HDDC2: variants seen among roughly 807,000 people sequenced by gnomAD.
HDDC2 encodes the protein HD domain containing 2, also known as 5'-deoxynucleotidase HDDC2.
In HDDC2, 25 loss-of-function variants were observed where a neutral mutation model predicts 25.5. The ratio of observed to expected loss-of-function variants is 0.98; its 90% CI spans 0.72 to 1.37. The LOEUF (loss-of-function observed/expected upper bound fraction) is 1.37, where lower values mean the gene tolerates loss of function less well. Ranked by LOEUF, HDDC2 falls within the 40% of genes most tolerant of loss-of-function variation. The pLI, the probability that HDDC2 is intolerant of heterozygous loss-of-function variation, is 0.00. For synonymous variants in HDDC2, 106 were observed against 89.7 expected, an observed-to-expected ratio of 1.18 and a Z score of -1.03; for missense variants, 264 against 253.1, an observed-to-expected ratio of 1.04 and a Z score of -0.29.
intron 4 of HDDC2, chr6:125,277,564 A>C (rs12527096): frequency 0.12 from 27,982 of 231,456 alleles, 2,221 homozygotes; most frequent in East Asian, 0.3. Flanking sequence ...ATTGTTCTTT[A>C]ATCTACCTAA....
rs553743591 is a variant in HDDC2, at chr6:125,299,652, C to T, written c.207-836G>A. 1.4e-4 allele frequency among the ~76,000 whole-genome samples: 21 copies of T among 152,312 alleles called. No individual in the cohort carries two copies. The East Asian group carries it at 3.9e-3, about 28-fold the overall frequency. On this transcript the variant is annotated intron_variant, in intron 2 of 5. Coordinates refer to ENST00000398153, the MANE Select transcript of HDDC2 (RefSeq NM_016063.3). ...GTCCAGTTCAAATCCCAGACTACTC[C>T]AAACTGCATCTCTATTGGACTTCAT... is the stretch of plus-strand genomic sequence containing the variant.
At chr6:125,298,283 C>T (rs139625775) in intron 3 of HDDC2, among the ~76,000 whole-genome samples, 75 of 152,238 alleles carry the variant, frequency 4.9e-4, no homozygotes, top group African/African-American at 1.6e-3. Flanking sequence ...TACCTAGCCT[C>T]GGGTATTTCT....
intron 3 of HDDC2, among the ~76,000 whole-genome samples, chr6:125,296,514 T>A (rs1798707892): frequency 6.6e-6 from 1 of 152,164 alleles, no homozygotes; most frequent in Non-Finnish European, 1.5e-5. Flanking sequence ...ATAAACACCA[T>A]CTGCATAAAG....
At chr6:125,298,423 T>C (rs7760639) in intron 3 of HDDC2, among the ~76,000 whole-genome samples, 29 of 152,234 alleles carry the variant, frequency 1.9e-4, no homozygotes, top group African/African-American at 6.8e-4. Context: ...TAACAGTTTA[T>C]TCTTCAAAAC....
Position 125,276,203 on chromosome 6 carries a change from T to A in HDDC2, c.558A>T (p.Glu186Asp). ...NHPEIVQLVS[E>D]LEAERSTNIA... is the part of the protein sequence containing the mutation. ...TGTTAGTGCTTCTTTCTGCCTCAAG[T>A]TCAGAAACAAGCTGGACTATCTCAG... The change falls in exon 6 of 6, where the codon GAA becomes GAT. Residue 186 changes from glutamate (E) to aspartate (D), a missense_variant. Transcript: ENST00000398153. 1 of 1,614,158 alleles carries A rather than the reference T, an allele frequency of 6.2e-7. No individual in the cohort carries two copies. The highest frequency in any genetic ancestry group is 8.5e-7 in the Non-Finnish European group (1 of 1,180,008).
At chr6:125,289,534 A>C (rs935494367) in intron 4 of HDDC2, among the ~76,000 whole-genome samples, 8 of 151,598 alleles carry the variant, frequency 5.3e-5, no homozygotes, top group Non-Finnish European at 7.4e-5. Context: ...CAAAAAAAAA[A>C]CATTTCCTTC....
intron 5 of HDDC2, 147 bp downstream of exon 5, chr6:125,276,955 G>A (rs1056583260): frequency 3.2e-5 from 24 of 751,460 alleles, no homozygotes; most frequent in African/African-American, 7.1e-5. Context: ...CCTCTTACCC[G>A]AATGTTTCCT....
At chr6:125,287,657 G>A (rs1375429702) in intron 4 of HDDC2, among the ~76,000 whole-genome samples, 1 of 152,298 alleles carries the variant, frequency 6.6e-6, no homozygotes, top group South Asian at 2.1e-4. Flanking sequence ...GGAGCAATCA[G>A]CACATGATCG....
intron 4 of HDDC2, among the ~76,000 whole-genome samples, chr6:125,280,705 C>T (rs932219633): frequency 1.3e-5 from 2 of 152,230 alleles, no homozygotes; most frequent in East Asian, 1.9e-4. Flanking sequence ...AAAGAAAGGC[C>T]GTGGCCCTAA....
rs565015399 is a variant in HDDC2, at chr6:125,275,891, T to C, written c.*255A>G. On this transcript the variant is annotated 3_prime_UTR_variant, in exon 6 of 6. Coordinates refer to ENST00000398153, the MANE Select transcript of HDDC2 (RefSeq NM_016063.3). ...AATAAATATTCTAATATTTTAGGTG[T>C]TTAATATTTATTTATTTAGTTCATA... 4.6e-6 allele frequency: 2 copies of C among 436,446 alleles called. No homozygotes were observed. The highest frequency in any genetic ancestry group is 4.0e-5 in the Admixed American group (1 of 24,786). 27.0% of individuals were successfully genotyped at this position (436,446 alleles called of 1,614,324 possible).
At chr6:125,292,117 A>G (rs1008873344) in intron 4 of HDDC2, among the ~76,000 whole-genome samples, 5 of 152,146 alleles carry the variant, frequency 3.3e-5, no homozygotes, top group African/African-American at 1.2e-4. Flanking sequence ...TGAGAGTGGG[A>G]GGAAAAGGCT....
intron 4 of HDDC2, 123 bp from the exon 5 acceptor site, chr6:125,277,363 T>C: frequency 1.2e-6 from 1 of 855,800 alleles, no homozygotes; most frequent in South Asian, 1.7e-5. Context: ...ATCGGCCCCA[T>C]TTCTCTACTG....
intron 4 of HDDC2, among the ~76,000 whole-genome samples, chr6:125,290,519 G>A (rs1370510851): frequency 1.3e-5 from 2 of 152,184 alleles, no homozygotes; most frequent in Non-Finnish European, 2.9e-5. Context: ...TGTGACCTGT[G>A]AATGTGACCC....
chr6:125,277,437 A>C, intron 4 of HDDC2, 197 bp from the exon 5 acceptor site: 2 of 516,216 alleles, frequency 3.9e-6, no homozygotes. Context: ...CTATACAAGA[A>C]AGATGTGCTC....
intron 3 of HDDC2, among the ~76,000 whole-genome samples, chr6:125,296,423 T>C (rs1010441007): frequency 3.9e-5 from 6 of 152,158 alleles, no homozygotes; most frequent in Non-Finnish European, 7.3e-5. Flanking sequence ...TTCCTGGTTC[T>C]CATTAGGCAA....
chr6:125,300,406 G>T, intron 2 of HDDC2, 132 bp downstream of exon 2: 1 of 1,097,984 alleles, frequency 9.1e-7, no homozygotes, highest in Non-Finnish European at 1.3e-6. Flanking sequence ...AAATTTGTAT[G>T]GTTTGCTTCA....
At chr6:125,288,667 G>A (rs569457239) in intron 4 of HDDC2, among the ~76,000 whole-genome samples, 7 of 150,606 alleles carry the variant, frequency 4.6e-5, no homozygotes, top group Middle Eastern at 3.4e-3. Context: ...AAAAGTGGGC[G>A]AAGGACATGA....
chr6:125,295,184 C>A (rs1320116204), intron 3 of HDDC2, among the ~76,000 whole-genome samples: 1 of 152,200 alleles, frequency 6.6e-6, no homozygotes, highest in African/African-American at 2.4e-5. Flanking sequence ...CACTTCTATA[C>A]TGAGTTTCAC....
At position 125,296,763 on chromosome 6, in the gene HDDC2, T is replaced by C. The variant is rs890862220; in HGVS notation, c.309+1951A>G. Among the ~76,000 whole-genome samples, 4 of 152,186 alleles carry C rather than the reference T, an allele frequency of 2.6e-5. 1 individual carries two copies. The highest frequency in any genetic ancestry group is 7.2e-5 in the African/African-American group (3 of 41,450). ...AAGGTTTTTCATCAAAGCCAGGATA[T>C]AGCATCCTAGAAGGCAGCAGTATCC... On this transcript the variant is annotated intron_variant, in intron 3 of 5. Transcript: ENST00000398153.
Sources: allele counts gnomAD v4.1 joint callset (sites outside exome capture counted in the v4.1 genomes callset), GRCh38; gene constraint gnomAD v4.1.1; transcripts MANE v1.5; gene names NCBI Gene and HGNC (gene_info 2026-07-23, HGNC 2026-07-21).